Variants in DLG2 observed in about 807,000 individuals in gnomAD.
DLG2 encodes disks large homolog 2.
Under a neutral mutation model 132.5 loss-of-function variants are expected in DLG2, and 45 were observed. The ratio of observed to expected loss-of-function variants is 0.34; its 90% CI spans 0.27 to 0.44. The LOEUF (loss-of-function observed/expected upper bound fraction) is 0.44, where lower values mean the gene tolerates loss of function less well. Ranked by LOEUF, DLG2 falls within the 20% of genes least tolerant of loss-of-function variation. The probability of loss-of-function intolerance (pLI) is 1.00; values close to 1 mark genes in which losing one functional copy is unlikely to be tolerated. For synonymous variants in DLG2, 424 were observed against 419.6 expected (o/e 1.01, Z -0.13); for missense variants, 1,045 against 1,196.9 (o/e 0.87, Z 1.87).
At chr11:84,703,308 G>C (rs1227491418) in intron 6 of DLG2, among the ~76,000 whole-genome samples, 1 of 151,384 alleles carries the variant, frequency 6.6e-6, no homozygotes, top group Non-Finnish European at 1.5e-5. Context: ...ACTGTAGTAG[G>C]GTTTACTAAA....
Position 83,475,998 on chromosome 11 carries a change from A to G in DLG2, c.2294-3221T>C, listed in dbSNP as rs570887118. Among the ~76,000 whole-genome samples the G allele has an allele frequency of 9.3e-4, 142 of 152,212 alleles. 2 individuals are homozygous for G. The highest frequency in any genetic ancestry group is 8.9e-3 in the South Asian group (43 of 4,816). On this transcript the variant is annotated intron_variant, in intron 22 of 27. Coordinates refer to ENST00000376104, the MANE Select transcript of DLG2 (RefSeq NM_001142699.3). ...TTTGTCACAGTCGCCACAAAACACT[A>G]TGTGTTTAAACTGGAAGCCAGTCAC...
chr11:84,805,535 A>G (rs1033436615), intron 6 of DLG2, among the ~76,000 whole-genome samples: 2 of 152,160 alleles, frequency 1.3e-5, no homozygotes, highest in African/African-American at 4.8e-5. Flanking sequence ...TGAATGACTT[A>G]GCACCATCTC....
At chr11:85,417,307 G>A (rs558596680) in intron 3 of DLG2, among the ~76,000 whole-genome samples, 1 of 152,260 alleles carries the variant, frequency 6.6e-6, no homozygotes, top group South Asian at 2.1e-4. Flanking sequence ...CTTGATCATG[G>A]TGGATAAGCT....
chr11:83,593,509 G>A (rs1217501208), intron 19 of DLG2, among the ~76,000 whole-genome samples: 1 of 151,924 alleles, frequency 6.6e-6, no homozygotes, highest in Admixed American at 6.6e-5. Flanking sequence ...TTGGCGGAGG[G>A]GGGAGGGATA....
intron 12 of DLG2, among the ~76,000 whole-genome samples, chr11:83,968,921 C>A (rs7929636): frequency 0.012 from 1,896 of 152,216 alleles, 32 homozygotes; most frequent in African/African-American, 0.044. Flanking sequence ...AGAGGAACTT[C>A]AGGTATGGAG....
intron 6 of DLG2, among the ~76,000 whole-genome samples, chr11:84,769,458 G>C (rs2068926134): frequency 6.6e-6 from 1 of 152,014 alleles, no homozygotes; most frequent in Admixed American, 6.6e-5. Context: ...AATGAACAAA[G>C]TCTCAGAGAA....
intron 8 of DLG2, among the ~76,000 whole-genome samples, chr11:84,241,675 G>C (rs192779130): frequency 4.5e-4 from 69 of 152,060 alleles, no homozygotes; most frequent in African/African-American, 1.6e-3. Flanking sequence ...CCTTAGATAT[G>C]TTTATTTTGT....
chr11:83,589,831 G>A (rs1367452259), intron 19 of DLG2, among the ~76,000 whole-genome samples: 1 of 142,742 alleles, frequency 7.0e-6, no homozygotes, highest in Non-Finnish European at 1.5e-5. Flanking sequence ...AAAAGGCAGG[G>A]GTTGCAATCC....
chr11:84,220,775 C>CTTCTCT (rs2096901915), intron 8 of DLG2, among the ~76,000 whole-genome samples: 1 of 112,300 alleles, frequency 8.9e-6, no homozygotes, highest in African/African-American at 3.3e-5. Context: ...TTTTCTTTTT[C>CTTCTCT]TTTTCTTTTT....
In DLG2 at chr11:84,367,577, T is replaced by C. The variant is rs548306188; in HGVS notation, c.520-116286A>G. ...AGAGCTGAGGCCTTTGAGAGATGAT[T>C]GGATCATACATAGATTAATGGATTA... is the stretch of plus-strand genomic sequence containing the variant. On this transcript the variant is annotated intron_variant, in intron 7 of 27. Coordinates refer to ENST00000376104, the MANE Select transcript of DLG2 (RefSeq NM_001142699.3). 5.9e-5 allele frequency among the ~76,000 whole-genome samples: 9 copies of C among 152,230 alleles called. No individual in the cohort carries two copies. The East Asian group carries it at 1.7e-3, about 29-fold the overall frequency.
chr11:83,880,037 T>C (rs1028528790), intron 15 of DLG2, among the ~76,000 whole-genome samples: 2 of 152,104 alleles, frequency 1.3e-5, no homozygotes, highest in Admixed American at 6.6e-5. Flanking sequence ...GTCAAAAATA[T>C]GTGGTGTGCT....
intron 21 of DLG2, among the ~76,000 whole-genome samples, chr11:83,499,131 A>T (rs115037333): frequency 2.9e-3 from 437 of 152,278 alleles, no homozygotes; most frequent in African/African-American, 9.7e-3. Flanking sequence ...AACACCATTT[A>T]AAAAAGAATG....
chr11:84,607,582 T>C (rs1280692470), intron 6 of DLG2, among the ~76,000 whole-genome samples: 7 of 152,092 alleles, frequency 4.6e-5, no homozygotes, highest in African/African-American at 4.8e-5. Context: ...AGGTAAAGAT[T>C]TCTAATATTC....
chr11:85,062,162 T>TA (rs1476982342), intron 6 of DLG2, among the ~76,000 whole-genome samples: 1 of 151,876 alleles, frequency 6.6e-6, no homozygotes, highest in African/African-American at 2.4e-5. Context: ...GCTTATATTC[T>TA]ATATACTTAT....
At chr11:84,131,939 T>C (rs944737083) in intron 9 of DLG2, among the ~76,000 whole-genome samples, 5 of 151,720 alleles carry the variant, frequency 3.3e-5, no homozygotes, top group Admixed American at 3.3e-4. Context: ...ACCCTTCTTC[T>C]ACTTATTGTT....
chr11:85,419,147 G>A (rs2090098202), intron 3 of DLG2, among the ~76,000 whole-genome samples: 1 of 152,206 alleles, frequency 6.6e-6, no homozygotes, highest in Non-Finnish European at 1.5e-5. Flanking sequence ...GCATTTGCAT[G>A]TGTGTAAGAA....
intron 7 of DLG2, chr11:84,317,315 A>C: frequency 7.0e-7 from 1 of 1,433,530 alleles, no homozygotes; most frequent in Non-Finnish European, 9.1e-7. Context: ...GAGCAGCGAC[A>C]GCAGCTCCGC....
intron 7 of DLG2, among the ~76,000 whole-genome samples, chr11:84,337,173 G>A (rs1390764999): frequency 6.6e-6 from 1 of 152,128 alleles, no homozygotes; most frequent in Non-Finnish European, 1.5e-5. Context: ...TGGGCTACGG[G>A]TAGATGCAGT....
chr11:85,014,725 C>T (rs920068010), intron 6 of DLG2, among the ~76,000 whole-genome samples: 1 of 152,194 alleles, frequency 6.6e-6, no homozygotes, highest in African/African-American at 2.4e-5. Context: ...CACATCAGCT[C>T]CACATACCTC....
Sources: allele counts gnomAD v4.1 joint callset (sites outside exome capture counted in the v4.1 genomes callset), GRCh38; gene constraint gnomAD v4.1.1; transcripts MANE v1.5; gene names NCBI Gene and HGNC (gene_info 2026-07-23, HGNC 2026-07-21).